Variants in DPP6 observed in about 807,000 individuals in gnomAD.
DPP6 encodes the protein A-type potassium channel modulatory protein DPP6.
In DPP6, 69 loss-of-function variants were observed where a neutral mutation model predicts 122.6. That is an observed-to-expected ratio of 0.56 (90% CI 0.46 to 0.69). The LOEUF is 0.69. Ranked by LOEUF, DPP6 falls within the 30% of genes least tolerant of loss-of-function variation. The pLI, the probability that DPP6 is intolerant of heterozygous loss-of-function variation, is 0.00. For missense variants in DPP6, 928 were observed against 1,116.9 expected, an observed-to-expected ratio of 0.83 and a Z score of 2.41; for synonymous variants, 418 against 433.1, an observed-to-expected ratio of 0.97 and a Z score of 0.43.
At chr7:154,686,868 C>T (rs1373529495) in intron 7 of DPP6, among the ~76,000 whole-genome samples, 2 of 152,140 alleles carry the variant, frequency 1.3e-5, no homozygotes, top group African/African-American at 4.8e-5. Context: ...CTCACATGCC[C>T]TCCAGTCAGC....
exon 1 of DPP6, chr7:153,887,637 A>C (rs1274134544): frequency 1.2e-6 from 2 of 1,609,514 alleles, no homozygotes; most frequent in Non-Finnish European, 1.7e-6. Context: ...ACAATGGATT[A>C]AGTTTCTCTT....
chr7:154,081,667 G>C (rs1804023319), intron 1 of DPP6, among the ~76,000 whole-genome samples: 3 of 149,510 alleles, frequency 2.0e-5, no homozygotes, highest in Admixed American at 1.3e-4. Flanking sequence ...GACGTCAAGA[G>C]CGTGGTAATA....
At chr7:154,726,643 A>G (rs1381841057) in intron 7 of DPP6, among the ~76,000 whole-genome samples, 1 of 152,074 alleles carries the variant, frequency 6.6e-6, no homozygotes, top group Non-Finnish European at 1.5e-5. Flanking sequence ...AATGCCTTGG[A>G]GGCGTTTTCC....
At chr7:154,171,065 C>G (rs1455267624) in intron 1 of DPP6, among the ~76,000 whole-genome samples, 2 of 152,156 alleles carry the variant, frequency 1.3e-5, no homozygotes, top group Non-Finnish European at 2.9e-5. Flanking sequence ...TGACCTAAAG[C>G]AAAAACCATT....
At chr7:154,781,749 A>G (rs1199915826) in intron 10 of DPP6, among the ~76,000 whole-genome samples, 3 of 152,092 alleles carry the variant, frequency 2.0e-5, no homozygotes, top group Non-Finnish European at 2.9e-5. Flanking sequence ...TGGGATAAAC[A>G]TTGCTAAAAA....
At chr7:154,762,884 A>G (rs1795645882) in intron 8 of DPP6, among the ~76,000 whole-genome samples, 1 of 152,254 alleles carries the variant, frequency 6.6e-6, no homozygotes, top group Non-Finnish European at 1.5e-5. Context: ...AATGTGTCCA[A>G]CCTGCCTCCG....
At chr7:154,889,640 G>A (rs1452271121) in intron 25 of DPP6, 110 bp downstream of exon 25, 9 of 1,497,120 alleles carry the variant, frequency 6.0e-6, no homozygotes, top group Non-Finnish European at 8.0e-6. Context: ...CGCCTGTGCT[G>A]TGGTGGTCGG....
At chr7:154,706,702 G>C (rs1035254027) in intron 7 of DPP6, among the ~76,000 whole-genome samples, 5 of 152,314 alleles carry the variant, frequency 3.3e-5, no homozygotes, top group Admixed American at 1.3e-4. Context: ...CACTGAACAC[G>C]TACTATCAAA....
At position 154,760,044 on chromosome 7, in the gene DPP6, A is replaced by G. The variant is rs971093420; in HGVS notation, c.884-9373A>G. On this transcript the variant is annotated intron_variant, in intron 8 of 25. Coordinates refer to ENST00000377770, the MANE Select transcript of DPP6 (RefSeq NM_130797.4). This position sits in a 1 kb window ranked among gnomAD's most constrained non-coding sequence, Gnocchi z 4.5. Reference sequence around the variant, plus strand: ...AGGCCGAGGCAGAAGAATCACTTGAACCCAGCAGGCAGAGGTTGCAGTGAG... The same window carrying G: ...AGGCCGAGGCAGAAGAATCACTTGAGCCCAGCAGGCAGAGGTTGCAGTGAG... Among the ~76,000 whole-genome samples, 1 of 152,080 alleles carries G rather than the reference A, an allele frequency of 6.6e-6. No homozygotes were observed. Among genetic ancestry groups the G allele is most frequent in the African/African-American group, 2.4e-5 (1 of 41,404 alleles).
At chr7:154,502,641 A>T (rs10952487) in intron 3 of DPP6, among the ~76,000 whole-genome samples, 38,978 of 152,036 alleles carry the variant, frequency 0.26, 5,117 homozygotes, top group Middle Eastern at 0.32. Flanking sequence ...CCAATAAACC[A>T]CCTACTTTTT....
intron 5 of DPP6, among the ~76,000 whole-genome samples, chr7:154,581,794 C>T (rs532986719): frequency 3.0e-4 from 46 of 152,316 alleles, no homozygotes; most frequent in South Asian, 1.5e-3. Context: ...GTGTATTGTG[C>T]GCGGCCATCA....
intron 5 of DPP6, among the ~76,000 whole-genome samples, chr7:154,594,887 G>T (rs1393870625): frequency 6.6e-6 from 1 of 152,150 alleles, no homozygotes; most frequent in African/African-American, 2.4e-5. Context: ...CATGAACAGA[G>T]ACACAATGCC....
At chr7:154,416,617 A>T (rs1289131872) in intron 1 of DPP6, among the ~76,000 whole-genome samples, 1 of 152,166 alleles carries the variant, frequency 6.6e-6, no homozygotes, top group Admixed American at 6.5e-5. Context: ...TATCAGGTTC[A>T]GTGACATCTG....
At position 154,282,639 on chromosome 7, in the gene DPP6, G is replaced by T. The variant is rs186157718; in HGVS notation, c.244-163575G>T. Among the ~76,000 whole-genome samples the T allele has an allele frequency of 1.3e-5, 2 of 152,102 alleles. No homozygotes were observed. Among genetic ancestry groups the T allele is most frequent in the Non-Finnish European group, 2.9e-5 (2 of 68,010 alleles). On this transcript the variant is annotated intron_variant, in intron 1 of 25. Transcript: ENST00000377770. This position sits in a 1 kb window ranked among gnomAD's most constrained non-coding sequence, Gnocchi z 4.8. ...GTCTCCTTTGAGTTGCTATCAAATC[G>T]CATATGTTGCATGCTTACTTGAAAG... is the stretch of plus-strand genomic sequence containing the variant.
chr7:153,915,372 G>A (rs903066780), intron 1 of DPP6, among the ~76,000 whole-genome samples: 5 of 152,110 alleles, frequency 3.3e-5, no homozygotes, highest in African/African-American at 1.2e-4. Flanking sequence ...CATTGCCTCT[G>A]GATCATGGTG....
intron 1 of DPP6, among the ~76,000 whole-genome samples, chr7:154,158,036 C>T (rs1796780728): frequency 1.3e-5 from 2 of 148,820 alleles, no homozygotes; most frequent in African/African-American, 4.9e-5. Context: ...TGCTTTCCTA[C>T]TGTAATAGAT....
chr7:154,709,477 C>A (rs1841034161), intron 7 of DPP6, among the ~76,000 whole-genome samples: 1 of 152,150 alleles, frequency 6.6e-6, no homozygotes, highest in South Asian at 2.1e-4. Flanking sequence ...ACCTTGGCCT[C>A]CCAAAGTGCT....
chr7:153,845,743 TACG>T, the DPP6 span, among the ~76,000 whole-genome samples: 6 of 152,166 alleles, frequency 3.9e-5, no homozygotes, highest in Non-Finnish European at 7.4e-5. Flanking sequence ...CTCTTGTGGT[TACG>T]GTAGGCATTT....
rs62472998 is a variant in DPP6 at position 154,893,708 on chromosome 7, G to A, written c.*1228G>A. On this transcript the variant is annotated 3_prime_UTR_variant, in exon 26 of 26. Transcript: ENST00000377770. ...TTCCCAGTGTATATTTCATTCTCTT[G>A]TATATAAAGGAAGCAATGTGTGTCA... is the stretch of plus-strand genomic sequence containing the variant. 6,934 of 152,200 alleles carry A rather than the reference G, an allele frequency of 0.046. 257 individuals carry two copies. The highest frequency in any genetic ancestry group is 0.11 in the African/African-American group (4,365 of 41,486). 9.4% of individuals were successfully genotyped at this position (152,200 alleles called of 1,614,324 possible).
Sources: allele counts gnomAD v4.1 joint callset (sites outside exome capture counted in the v4.1 genomes callset), GRCh38; gene constraint gnomAD v4.1.1; non-coding constraint Gnocchi (gnomAD v3.1); transcripts MANE v1.5; gene names NCBI Gene and HGNC (gene_info 2026-07-23, HGNC 2026-07-21).